The following GLRA1 variants were observed in gnomAD, a reference collection of about 807,000 sequenced individuals.
GLRA1 encodes glycine receptor subunit alpha-1.
GLRA1 carries 37 observed loss-of-function variants against 48.3 expected under a neutral mutation model. That is an observed-to-expected ratio of 0.77 (90% confidence interval 0.59 to 1.01). The LOEUF (loss-of-function observed/expected upper bound fraction) is 1.01, where lower values mean the gene tolerates loss of function less well. Ranked by LOEUF, GLRA1 falls within the 50% of genes least tolerant of loss-of-function variation. GLRA1 has a pLI of 0.00. For synonymous variants in GLRA1, 196 were observed against 210.7 expected (o/e 0.93, Z 0.60); for missense variants, 427 against 571.0 (o/e 0.75, Z 2.57).
chr5:151,892,774 C>G (rs1341810550), intron 1 of GLRA1, among the ~76,000 whole-genome samples: 1 of 152,148 alleles, frequency 6.6e-6, no homozygotes, highest in Admixed American at 6.5e-5. Flanking sequence ...TTTGGTAGAC[C>G]TAACCTTGTG....
chr5:151,914,423 T>A (rs73287808), intron 1 of GLRA1, among the ~76,000 whole-genome samples: 2,476 of 152,244 alleles, frequency 0.016, 89 homozygotes, highest in African/African-American at 0.057. Flanking sequence ...GGGCATGCGG[T>A]GAGACCTTTA....
intron 7 of GLRA1, among the ~76,000 whole-genome samples, chr5:151,839,242 A>C (rs1561550242): frequency 6.6e-6 from 1 of 152,258 alleles, no homozygotes; most frequent in Non-Finnish European, 1.5e-5. Context: ...GAAATACTAA[A>C]GGACGCCCTT....
At chr5:151,888,831 C>A (rs1417859666) in intron 2 of GLRA1, among the ~76,000 whole-genome samples, 1 of 152,194 alleles carries the variant, frequency 6.6e-6, no homozygotes, top group Non-Finnish European at 1.5e-5. Context: ...TTGTCTTAAG[C>A]AGCCCTTTCC....
intron 4 of GLRA1, among the ~76,000 whole-genome samples, chr5:151,858,080 A>T (rs1753095596): frequency 6.6e-6 from 1 of 152,134 alleles, no homozygotes; most frequent in Admixed American, 6.5e-5. Context: ...ATACCCTAAG[A>T]TACCTAATTG....
chr5:151,846,684 G>A lies in GLRA1; in HGVS notation c.912+4706C>T, dbSNP rs10035527. 6.5e-3 allele frequency among the ~76,000 whole-genome samples: 984 copies of A among 152,258 alleles called. 10 individuals carry two copies. The highest frequency in any genetic ancestry group is 0.023 in the African/African-American group (939 of 41,548). Reference sequence around the variant, plus strand: ...CATGAAAAACAAAAAACAGCTGGGAGACTGTTCTAGGTTAAAAGAGACAAA... The same window carrying A: ...CATGAAAAACAAAAAACAGCTGGGAAACTGTTCTAGGTTAAAAGAGACAAA... On this transcript the variant is annotated intron_variant, in intron 7 of 8. Transcript: ENST00000274576.
At chr5:151,875,097 C>T (rs1158297607) in intron 3 of GLRA1, among the ~76,000 whole-genome samples, 3 of 152,010 alleles carry the variant, frequency 2.0e-5, no homozygotes, top group Non-Finnish European at 4.4e-5. Flanking sequence ...CAACTGATCC[C>T]AGGATAGGTT....
Position 151,855,090 on chromosome 5 carries a change from A to G in GLRA1, c.647T>C (p.Ile216Thr), listed in dbSNP as rs1287162062. 1 of 1,614,040 alleles carries G rather than the reference A, an allele frequency of 6.2e-7. No individual in the cohort carries two copies. Among genetic ancestry groups the G allele is most frequent in the Non-Finnish European group, 8.5e-7 (1 of 1,179,954 alleles). Residue 216 changes from isoleucine to threonine, a missense_variant, in exon 6 of 9, where the codon ATC becomes ACC. Physicochemically the swap from Ile to Thr is moderately conservative, Grantham distance 89. Transcript: ENST00000274576. The stretch of plus-strand genomic sequence containing the variant: ...TCTCAAGTCCTTCTCTTCCTTCAAG[A>G]TAAACTGGGGCAGAGTTAGTCCATC... ...VADGLTLPQF[I>T]LKEEKDLRYC...
Position 151,860,132 on chromosome 5 carries a change from T to C in GLRA1, c.253-124A>G, listed in dbSNP as rs545897916. On this transcript the variant is annotated intron_variant, in intron 3 of 8. Coordinates refer to ENST00000274576, the MANE Select transcript of GLRA1 (RefSeq NM_000171.4). ...GGATGTTATTAAGTGTGGTTGCATC[T>C]TATATGGGGGTGAGACATAAAAGGT... The C allele has an allele frequency of 8.2e-5, 60 of 729,144 alleles. No individual in the cohort carries two copies. In the East Asian group the frequency reaches 1.6e-3, roughly 19 times the overall value. The allele number at this position is 729,144 out of a possible 1,614,324, so 45.2% of individuals were successfully genotyped here. A position where few individuals can be genotyped will look rare whatever the true frequency, so the allele number is the denominator to read the frequency against.
At chr5:151,873,590 G>A (rs1218165421) in intron 3 of GLRA1, among the ~76,000 whole-genome samples, 1 of 151,662 alleles carries the variant, frequency 6.6e-6, no homozygotes, top group African/African-American at 2.4e-5. Flanking sequence ...AACCTGGGAG[G>A]TGGAGGTTGC....
At chr5:151,826,654 C>G (rs922224546) in intron 8 of GLRA1, among the ~76,000 whole-genome samples, 1 of 152,152 alleles carries the variant, frequency 6.6e-6, no homozygotes, top group African/African-American at 2.4e-5. Flanking sequence ...AGAATCTGAT[C>G]AAATCTAGCT....
At chr5:151,917,955 G>A (rs1754779060) in intron 1 of GLRA1, among the ~76,000 whole-genome samples, 1 of 152,206 alleles carries the variant, frequency 6.6e-6, no homozygotes, top group South Asian at 2.1e-4. Flanking sequence ...ATTAATGATT[G>A]TCGGCAGCTC....
intron 6 of GLRA1, among the ~76,000 whole-genome samples, chr5:151,853,194 A>G (rs1752952908): frequency 6.6e-6 from 1 of 152,174 alleles, no homozygotes; most frequent in Admixed American, 6.5e-5. Flanking sequence ...TAGAATTAAC[A>G]GTGCTGTCCT....
intron 3 of GLRA1, among the ~76,000 whole-genome samples, chr5:151,885,032 A>G (rs1044757146): frequency 3.3e-5 from 5 of 152,198 alleles, no homozygotes; most frequent in African/African-American, 1.2e-4. Flanking sequence ...CCATTTGGAG[A>G]TAAGAGGCCT....
chr5:151,850,614 CT>C, intron 7 of GLRA1: 7 of 1,480,126 alleles, frequency 4.7e-6, no homozygotes, highest in Non-Finnish European at 6.6e-6. Context: ...GACTTTTCTG[CT>C]GGTGTAGCCA....
chr5:151,826,789 A>G (rs923655809), intron 8 of GLRA1, among the ~76,000 whole-genome samples: 9 of 152,284 alleles, frequency 5.9e-5, no homozygotes, highest in South Asian at 2.1e-4. Flanking sequence ...ACCATACTAC[A>G]TATCTTCAGG....
intron 1 of GLRA1, among the ~76,000 whole-genome samples, chr5:151,894,728 G>A (rs1581652020): frequency 6.6e-6 from 1 of 152,322 alleles, no homozygotes; most frequent in African/African-American, 2.4e-5. Flanking sequence ...GTGAATGAAT[G>A]AATGAATAAT....
At chr5:151,863,696 G>A (rs1273523244) in intron 3 of GLRA1, among the ~76,000 whole-genome samples, 1 of 152,068 alleles carries the variant, frequency 6.6e-6, no homozygotes, top group Non-Finnish European at 1.5e-5. Flanking sequence ...CTGGATAAAT[G>A]AGGTCATGCA....
intron 7 of GLRA1, among the ~76,000 whole-genome samples, chr5:151,845,603 T>C (rs1046945784): frequency 2.6e-5 from 4 of 152,330 alleles, no homozygotes; most frequent in Middle Eastern, 3.4e-3. Flanking sequence ...GTGCAGACGT[T>C]GGAACCCTGG....
intron 3 of GLRA1, among the ~76,000 whole-genome samples, chr5:151,882,233 G>A (rs1753780785): frequency 6.6e-6 from 1 of 152,204 alleles, no homozygotes; most frequent in Non-Finnish European, 1.5e-5. Context: ...CACGCACTGA[G>A]TTCAAGTTCT....
Sources: gnomAD v4.1 joint callset for allele counts (sites outside exome capture counted in the v4.1 genomes callset) on GRCh38, gnomAD v4.1.1 for gene constraint, MANE v1.5 for transcripts, NCBI Gene and HGNC (gene_info 2026-07-23, HGNC 2026-07-21) for gene names.